Variants in RCAN3 observed in about 807,000 individuals in gnomAD.
The protein encoded by RCAN3 is regulator of calcineurin 3, also known as calcipressin-3.
In RCAN3, 19 loss-of-function variants were observed where a neutral mutation model predicts 21.9. The ratio of observed to expected loss-of-function variants is 0.87; its 90% confidence interval spans 0.61 to 1.27. The LOEUF is 1.27. RCAN3 is among the 50% of genes most tolerant of loss of function. The pLI, the probability that RCAN3 is intolerant of heterozygous loss-of-function variation, is 0.00. For synonymous variants in RCAN3, 114 were observed against 112.3 expected, an observed-to-expected ratio of 1.01 and a Z score of -0.09; for missense variants, 240 against 300.1, an observed-to-expected ratio of 0.80 and a Z score of 1.48.
chr1:24,502,640 GATCT>G (rs1268154714), upstream of RCAN3, among the ~76,000 whole-genome samples: 6 of 151,978 alleles, frequency 3.9e-5, no homozygotes, highest in Admixed American at 2.0e-4. Flanking sequence ...TTTTCGGGGT[GATCT>G]AAAGCCCCCG....
Position 24,531,236 on chromosome 1 carries a change from T to G in RCAN3, c.214T>G (p.Phe72Val), listed in dbSNP as rs749582563. The part of the protein sequence containing the change: ...REQKERFEAL[F>V]TIYDDQVTFQ... ...ATTGTAGGAAAGATTTGAAGCACTCTTCACCATCTATGATGACCAGGTTAC... is the reference window on the plus strand; with the variant it reads ...ATTGTAGGAAAGATTTGAAGCACTCGTCACCATCTATGATGACCAGGTTAC... The change falls in exon 3 of 5, where the codon TTC becomes GTC. Residue 72 changes from phenylalanine (F) to valine (V), a missense_variant. Coordinates refer to ENST00000374395, the MANE Select transcript of RCAN3 (RefSeq NM_013441.4). 6.3e-7 allele frequency: 1 copy of G among 1,593,546 alleles called. No individual in the cohort carries two copies. The highest frequency in any genetic ancestry group is 8.6e-7 in the Non-Finnish European group (1 of 1,167,548).
Position 24,540,455 on chromosome 1 carries a change from A to G in RCAN3, c.*5178A>G, listed in dbSNP as rs931522398. 2.6e-5 allele frequency: 4 copies of G among 152,194 alleles called. No homozygotes were observed. The highest frequency in any genetic ancestry group is 9.7e-5 in the African/African-American group (4 of 41,444). 9.4% of individuals were successfully genotyped at this position (152,194 alleles called of 1,614,324 possible). A position where few individuals can be genotyped will look rare whatever the true frequency, so the allele number is the denominator to read the frequency against. ...TCATCGTAATGGAAGATTTCTATCT[A>G]TGCAGATAATACATGTTTTTAAATA... On this transcript the variant is annotated 3_prime_UTR_variant, in exon 5 of 5. Transcript: ENST00000374395.
chr1:24,528,539 A>G (rs545604232), intron 2 of RCAN3, among the ~76,000 whole-genome samples: 1 of 152,342 alleles, frequency 6.6e-6, no homozygotes, highest in Admixed American at 6.5e-5. Context: ...ATCAAAAGAA[A>G]GCTACACCAG....
intron 1 of RCAN3, chr1:24,507,678 C>T (rs757137616): frequency 6.6e-6 from 1 of 152,236 alleles, no homozygotes; most frequent in African/African-American, 2.4e-5. Flanking sequence ...CTCCCTGCCC[C>T]GCTTCCGCAG....
chr1:24,516,255 A>T (rs919078729), intron 2 of RCAN3, among the ~76,000 whole-genome samples: 4 of 152,138 alleles, frequency 2.6e-5, no homozygotes, highest in African/African-American at 9.7e-5. Flanking sequence ...ACTTGAGCCC[A>T]GGGTTTCATG....
At position 24,537,644 on chromosome 1, in the gene RCAN3, T is replaced by C. The variant is rs1650302593; in HGVS notation, c.*2367T>C. On this transcript the variant is annotated 3_prime_UTR_variant, in exon 5 of 5. Coordinates refer to ENST00000374395, the MANE Select transcript of RCAN3 (RefSeq NM_013441.4). ...CCAGGTGTGGTGGCTCACACCATAA[T>C]CCCAGCACTTTGGGAGGCCAAGGTG... is the stretch of plus-strand genomic sequence containing the variant. The C allele has an allele frequency of 6.6e-6, 1 of 152,076 alleles. No homozygotes were observed. Among genetic ancestry groups the C allele is most frequent in the African/African-American group, 2.4e-5 (1 of 41,392 alleles). 9.4% of individuals were successfully genotyped at this position (152,076 alleles called of 1,614,324 possible). A position where few individuals can be genotyped will look rare whatever the true frequency, so the allele number is the denominator to read the frequency against.
At chr1:24,532,341 C>T (rs2148912351) in intron 3 of RCAN3, among the ~76,000 whole-genome samples, 1 of 152,214 alleles carries the variant, frequency 6.6e-6, no homozygotes, top group African/African-American at 2.4e-5. Context: ...ATTCTCCCGC[C>T]TCCGCCTCCC....
At chr1:24,503,744 C>G (rs148195884) in intron 1 of RCAN3, among the ~76,000 whole-genome samples, 1 of 152,360 alleles carries the variant, frequency 6.6e-6, no homozygotes, top group African/African-American at 2.4e-5. Flanking sequence ...CAATCCAGAT[C>G]CGTGTTTCAG....
intron 2 of RCAN3, among the ~76,000 whole-genome samples, chr1:24,529,153 A>T (rs76717914): frequency 6.6e-6 from 1 of 152,180 alleles, no homozygotes; most frequent in Non-Finnish European, 1.5e-5. Context: ...CACGTCTTTA[A>T]TCCCAGCACT....
chr1:24,515,177 C>T (rs1275488592), intron 2 of RCAN3, among the ~76,000 whole-genome samples: 2 of 152,212 alleles, frequency 1.3e-5, no homozygotes, highest in Non-Finnish European at 2.9e-5. Context: ...TATTCATTTT[C>T]GGAGACTACA....
intron 1 of RCAN3, among the ~76,000 whole-genome samples, chr1:24,503,432 C>G (rs138931605): frequency 0.015 from 2,298 of 152,292 alleles, 55 homozygotes; most frequent in African/African-American, 0.051. Context: ...CAACGATTTT[C>G]TCCCACCAAG....
In RCAN3 at chr1:24,514,403, G is replaced by A; in HGVS notation, c.31G>A (p.Asp11Asn). ...GAGGGACACTATGAAATCTTGGAAT[G>A]ATAGCCAGTCAGATCTGTGTAGCAC... MLRDTMKSWN[D>N]SQSDLCSTDQ... Residue 11 changes from aspartate to asparagine, a missense_variant, in exon 2 of 5, where the codon GAT (aspartate) becomes AAT (asparagine). Coordinates refer to ENST00000374395, the MANE Select transcript of RCAN3 (RefSeq NM_013441.4). 1 of 1,613,902 alleles carries A rather than the reference G, an allele frequency of 6.2e-7. No homozygotes were observed. The highest frequency in any genetic ancestry group is 8.5e-7 in the Non-Finnish European group (1 of 1,179,876).
In RCAN3 at chr1:24,538,744, G is replaced by A. The variant is rs1159482584; in HGVS notation, c.*3467G>A. The A allele has an allele frequency of 1.3e-5, 2 of 152,044 alleles. No individual in the cohort carries two copies. The highest frequency in any genetic ancestry group is 4.8e-5 in the African/African-American group (2 of 41,394). 9.4% of individuals were successfully genotyped at this position (152,044 alleles called of 1,614,324 possible). A position where few individuals can be genotyped will look rare whatever the true frequency, so the allele number is the denominator to read the frequency against. ...ATAAAATATTGTAGTCATTAATGGT[G>A]TGTTTGAATTGAAGAGATACCAGGA... On this transcript the variant is annotated 3_prime_UTR_variant, in exon 5 of 5. Coordinates refer to ENST00000374395, the MANE Select transcript of RCAN3 (RefSeq NM_013441.4).
chr1:24,520,031 T>C (rs1459987948), intron 2 of RCAN3, among the ~76,000 whole-genome samples: 1 of 152,262 alleles, frequency 6.6e-6, no homozygotes, highest in African/African-American at 2.4e-5. Context: ...GAAGTGATCT[T>C]ATGATTTTTA....
At chr1:24,519,220 T>C (rs1042559836) in intron 2 of RCAN3, among the ~76,000 whole-genome samples, 1 of 151,426 alleles carries the variant, frequency 6.6e-6, no homozygotes, top group African/African-American at 2.4e-5. Context: ...CTGATGTTTT[T>C]TTTTTTTTTT....
At chr1:24,523,400 C>G (rs552954722) in intron 2 of RCAN3, among the ~76,000 whole-genome samples, 1 of 152,082 alleles carries the variant, frequency 6.6e-6, no homozygotes, top group Admixed American at 6.6e-5. Flanking sequence ...TACATAAAAG[C>G]TGTTAGAACG....
At chr1:24,507,360 G>A (rs752207100) in intron 1 of RCAN3, among the ~76,000 whole-genome samples, 9 of 152,110 alleles carry the variant, frequency 5.9e-5, no homozygotes, top group Non-Finnish European at 1.0e-4. Flanking sequence ...TTGCCTCCTT[G>A]GGAAGCTATC....
At chr1:24,530,375 A>G (rs1302390804) in intron 2 of RCAN3, among the ~76,000 whole-genome samples, 1 of 140,192 alleles carries the variant, frequency 7.1e-6, no homozygotes, top group Non-Finnish European at 1.6e-5. Flanking sequence ...AAAAAAAAAA[A>G]AAAAGACAGT....
At chr1:24,522,190 C>A (rs1177398511) in intron 2 of RCAN3, among the ~76,000 whole-genome samples, 1 of 152,156 alleles carries the variant, frequency 6.6e-6, no homozygotes, top group Non-Finnish European at 1.5e-5. Flanking sequence ...TTTATACACA[C>A]ACATGTGTGT....
Sources: gnomAD v4.1 joint callset for allele counts (sites outside exome capture counted in the v4.1 genomes callset) on GRCh38, gnomAD v4.1.1 for gene constraint, MANE v1.5 for transcripts, NCBI Gene and HGNC (gene_info 2026-07-23, HGNC 2026-07-21) for gene names.